The following APBA2 variants were observed in gnomAD, a reference collection of about 807,000 sequenced individuals.
The protein encoded by APBA2 is amyloid beta precursor protein binding family A member 2.
In APBA2, 30 loss-of-function variants were observed where a neutral mutation model predicts 75.0. That is an observed-to-expected ratio of 0.40 (90% CI 0.30 to 0.54). The LOEUF (loss-of-function observed/expected upper bound fraction) is 0.54, where lower values mean the gene tolerates loss of function less well. APBA2 is among the 20% of genes least tolerant of loss of function. The pLI is 0.49. For missense variants in APBA2, 801 were observed against 1,016.1 expected, an observed-to-expected ratio of 0.79 and a Z score of 2.88; for synonymous variants, 444 against 409.6, an observed-to-expected ratio of 1.08 and a Z score of -1.01.
At chr15:29,111,881 C>T (rs1173311702) in intron 13 of APBA2, among the ~76,000 whole-genome samples, 1 of 152,160 alleles carries the variant, frequency 6.6e-6, no homozygotes, top group Non-Finnish European at 1.5e-5. Context: ...TTCAGGAGAC[C>T]CGAGGGTGCT....
At chr15:28,948,150 TC>T (rs2035649828) in intron 2 of APBA2, among the ~76,000 whole-genome samples, 1 of 152,134 alleles carries the variant, frequency 6.6e-6, no homozygotes, top group Non-Finnish European at 1.5e-5. Context: ...CATTAGATGT[TC>T]AGAGCATCCC....
intron 4 of APBA2, among the ~76,000 whole-genome samples, chr15:29,067,591 G>A (rs1331390897): frequency 1.3e-5 from 2 of 152,216 alleles, no homozygotes; most frequent in African/African-American, 2.4e-5. Flanking sequence ...TTATGGTAAA[G>A]TGATTGTGGT....
At chr15:28,944,323 C>T (rs1271223875) in intron 2 of APBA2, among the ~76,000 whole-genome samples, 4 of 152,256 alleles carry the variant, frequency 2.6e-5, no homozygotes, top group Non-Finnish European at 4.4e-5. Context: ...CTATTTTGTA[C>T]GCTCAGTCAC....
At chr15:29,113,358 G>C (rs546476490) in intron 13 of APBA2, among the ~76,000 whole-genome samples, 120 of 152,186 alleles carry the variant, frequency 7.9e-4, no homozygotes, top group Non-Finnish European at 8.1e-4. Context: ...TGGCGGGGGG[G>C]GGATGTAGGA....
chr15:29,079,505 C>T (rs1169394897), intron 6 of APBA2, among the ~76,000 whole-genome samples: 1 of 152,224 alleles, frequency 6.6e-6, no homozygotes, highest in Non-Finnish European at 1.5e-5. Context: ...AGCTGTGTCA[C>T]ATGACCAGCC....
intron 1 of APBA2, among the ~76,000 whole-genome samples, chr15:28,912,098 G>A (rs2033457169): frequency 6.6e-6 from 1 of 152,024 alleles, no homozygotes; most frequent in Admixed American, 6.6e-5. Flanking sequence ...TAGCATACGT[G>A]CTTGAGATAT....
At chr15:28,910,897 T>C (rs917010931) in intron 1 of APBA2, among the ~76,000 whole-genome samples, 1 of 152,202 alleles carries the variant, frequency 6.6e-6, no homozygotes, top group Non-Finnish European at 1.5e-5. Context: ...TATTTAGAGT[T>C]TCAGGGCCCA....
chr15:28,925,180 C>A (rs2034192085), intron 2 of APBA2, among the ~76,000 whole-genome samples: 2 of 152,062 alleles, frequency 1.3e-5, no homozygotes, highest in Non-Finnish European at 2.9e-5. Flanking sequence ...AGATTATATC[C>A]ATTGATTTTT....
At chr15:28,891,276 G>A (rs755667444) in intron 1 of APBA2, among the ~76,000 whole-genome samples, 36 of 152,208 alleles carry the variant, frequency 2.4e-4, no homozygotes, top group Non-Finnish European at 3.5e-4. Flanking sequence ...TAGCTGAGCT[G>A]TGGGTTGCCT....
intron 2 of APBA2, among the ~76,000 whole-genome samples, chr15:28,952,615 C>T (rs2035950376): frequency 6.6e-6 from 1 of 152,188 alleles, no homozygotes; most frequent in Admixed American, 6.5e-5. Flanking sequence ...CATGCCTCCC[C>T]AGCCACCCCT....
chr15:29,099,033 G>T (rs2043991086), intron 9 of APBA2, among the ~76,000 whole-genome samples: 1 of 152,118 alleles, frequency 6.6e-6, no homozygotes, highest in Admixed American at 6.5e-5. Context: ...TTGTCCCACT[G>T]ATCTTTGTGT....
chr15:28,990,777 C>T (rs542607330), intron 2 of APBA2: 7 of 152,284 alleles, frequency 4.6e-5, no homozygotes, highest in Admixed American at 1.3e-4. Context: ...ACATGTGGCC[C>T]GTCAGTACTA....
In APBA2 at chr15:29,117,831, G is replaced by GTCA. The variant is rs1050453331; in HGVS notation, c.*700_*701insATC. 1 of 152,052 alleles carries GTCA rather than the reference G, an allele frequency of 6.6e-6. No individual in the cohort carries two copies. The highest frequency in any genetic ancestry group is 2.4e-5 in the African/African-American group (1 of 41,352). 9.4% of individuals were successfully genotyped at this position (152,052 alleles called of 1,614,324 possible). A position where few individuals can be genotyped will look rare whatever the true frequency, so the allele number is the denominator to read the frequency against. ...AATGACCACACCTGCCTCTCCCGTC[G>GTCA]TCTCTTCTGGGCACCCTCCCACCCG... On this transcript the variant is annotated 3_prime_UTR_variant, in exon 15 of 15. Transcript: ENST00000683413.
At chr15:28,945,224 A>G (rs768616466) in intron 2 of APBA2, among the ~76,000 whole-genome samples, 23 of 152,312 alleles carry the variant, frequency 1.5e-4, no homozygotes, top group Middle Eastern at 3.4e-3. Flanking sequence ...GAGCCTAAGT[A>G]TTCAGCCGAC....
chr15:29,053,705 G>A, intron 3 of APBA2, 140 bp from the exon 4 acceptor site: 1 of 611,918 alleles, frequency 1.6e-6, no homozygotes, highest in Middle Eastern at 4.3e-4. Context: ...GCGGGGGTGG[G>A]GATGGCGCAC....
chr15:29,101,404 A>G lies in APBA2; in HGVS notation c.1339-195A>G, dbSNP rs112907376. Among the ~76,000 whole-genome samples, 887 of 151,980 alleles carry G rather than the reference A, an allele frequency of 5.8e-3. 10 individuals are homozygous for G. Among genetic ancestry groups the G allele is most frequent in the African/African-American group, 0.021 (852 of 41,430 alleles). On this transcript the variant is annotated intron_variant, in intron 9 of 14. Coordinates refer to ENST00000683413, the MANE Select transcript of APBA2 (RefSeq NM_001353788.2). ...GCCACCACGCCCAACTATTTATTTT[A>G]TATTTTTAGTAGAGATGGGGTTTCA...
At chr15:29,086,165 C>T (rs1187600644) in intron 6 of APBA2, among the ~76,000 whole-genome samples, 1 of 152,230 alleles carries the variant, frequency 6.6e-6, no homozygotes, top group Non-Finnish European at 1.5e-5. Flanking sequence ...TTGCCCCATC[C>T]AGAGGCCCAC....
chr15:28,898,434 T>C (rs1595408305), intron 1 of APBA2, among the ~76,000 whole-genome samples: 1 of 152,026 alleles, frequency 6.6e-6, no homozygotes, highest in Admixed American at 6.6e-5. Context: ...GTGGCAGCTG[T>C]GTGGATGGGG....
chr15:29,071,688 G>A (rs777666860), intron 4 of APBA2, among the ~76,000 whole-genome samples: 4 of 149,988 alleles, frequency 2.7e-5, no homozygotes, highest in Non-Finnish European at 4.4e-5. Context: ...CCCCTGAGAT[G>A]GAAATTAGAG....
Sources: allele counts gnomAD v4.1 joint callset (sites outside exome capture counted in the v4.1 genomes callset), GRCh38; gene constraint gnomAD v4.1.1; transcripts MANE v1.5; gene names NCBI Gene and HGNC (gene_info 2026-07-23, HGNC 2026-07-21).